The following PLCE1 variants were observed in gnomAD, a reference collection of about 807,000 sequenced individuals.
The protein encoded by PLCE1 is phospholipase C epsilon 1, also known as 1-phosphatidylinositol 4,5-bisphosphate phosphodiesterase epsilon-1.
A neutral mutation model predicts 242.8 loss-of-function variants in PLCE1; 119 were observed. The ratio of observed to expected loss-of-function variants is 0.49; its 90% CI spans 0.42 to 0.57. The LOEUF is 0.57. Among genes scored for constraint, PLCE1 ranks in the 20% least tolerant of loss-of-function variants. PLCE1 has a pLI of 0.00. For missense variants in PLCE1, 2,441 were observed against 2,788.8 expected (o/e 0.88, Z 2.81); for synonymous variants, 945 against 1,017.4 (o/e 0.93, Z 1.35).
chr10:94,070,545 T>C (rs1298565974), intron 2 of PLCE1, among the ~76,000 whole-genome samples: 1 of 152,202 alleles, frequency 6.6e-6, no homozygotes, highest in Non-Finnish European at 1.5e-5. Context: ...TGGCCCCTTC[T>C]CTCTTTCCTT....
At chr10:94,205,041 A>G (rs1414614466) in intron 4 of PLCE1, among the ~76,000 whole-genome samples, 1 of 152,260 alleles carries the variant, frequency 6.6e-6, no homozygotes, top group African/African-American at 2.4e-5. Context: ...AAATCTAAGG[A>G]ATGAATACCT....
In PLCE1 at chr10:94,188,625, G is replaced by A. The variant is rs1590210408; in HGVS notation, c.1809+17129G>A. ...TTGTTTTGTTTTGTTTTGCTTTTTA[G>A]ATGGAGCTTCGCTCTTGTTGTCCAG... On this transcript the variant is annotated intron_variant, in intron 4 of 32. Transcript: ENST00000371380. Among the ~76,000 whole-genome samples the A allele has an allele frequency of 2.6e-5, 4 of 152,250 alleles. No homozygotes were observed. In the East Asian group the frequency reaches 7.7e-4, roughly 29 times the overall value.
At chr10:94,226,465 AG>A (rs2049943187) in intron 4 of PLCE1, among the ~76,000 whole-genome samples, 1 of 152,204 alleles carries the variant, frequency 6.6e-6, no homozygotes. Context: ...GAGGTAATAT[AG>A]GTAAAGTGCT....
intron 2 of PLCE1, among the ~76,000 whole-genome samples, chr10:94,041,542 C>T (rs562521484): frequency 1.0e-3 from 157 of 152,254 alleles, no homozygotes; most frequent in Non-Finnish European, 1.9e-3. Context: ...GTTTCTGGAT[C>T]CTTTTTGCTT....
intron 2 of PLCE1, among the ~76,000 whole-genome samples, chr10:94,065,086 T>G (rs879508117): frequency 2.6e-5 from 4 of 152,198 alleles, no homozygotes; most frequent in Admixed American, 6.5e-5. Flanking sequence ...CTCCTCCTAT[T>G]TTTATTGTCT....
chr10:94,296,800 C>A (rs1201327722), intron 23 of PLCE1, among the ~76,000 whole-genome samples: 1 of 152,156 alleles, frequency 6.6e-6, no homozygotes, highest in Non-Finnish European at 1.5e-5. Context: ...TCGCAAAATG[C>A]CTAACTTTCA....
chr10:94,104,709 C>T (rs2135532427), intron 2 of PLCE1: 1 of 152,316 alleles, frequency 6.6e-6, no homozygotes. Flanking sequence ...CCATCTGCAT[C>T]TGGCACGGTG....
chr10:94,272,538 A>G (rs1302249577), intron 18 of PLCE1, among the ~76,000 whole-genome samples: 1 of 152,220 alleles, frequency 6.6e-6, no homozygotes, highest in Non-Finnish European at 1.5e-5. Flanking sequence ...GAGGTGACGT[A>G]CATTTTCAGC....
Position 94,283,873 on chromosome 10 carries a change from A to T in PLCE1, c.4879A>T (p.Ile1627Leu). 1 of 1,612,322 alleles carries T rather than the reference A, an allele frequency of 6.2e-7. No individual in the cohort carries two copies. The highest frequency in any genetic ancestry group is 2.2e-5 in the East Asian group (1 of 44,808). Residue 1627 changes from isoleucine (I) to leucine (L), a missense_variant, in exon 21 of 33, where the codon ATA (isoleucine) becomes TTA (leucine). Transcript: ENST00000371380. Reference protein sequence around the residue: ...FEYNEEIPKRIKKADNSACNK... With the variant: ...FEYNEEIPKRLKKADNSACNK... ...ATATAATGAAGAAATCCCAAAGAGG[A>T]TAAAGAAAGCAGATAACTCTGCTTG...
intron 2 of PLCE1, among the ~76,000 whole-genome samples, chr10:94,081,769 G>A (rs1360065056): frequency 6.6e-6 from 1 of 152,186 alleles, no homozygotes; most frequent in Non-Finnish European, 1.5e-5. Flanking sequence ...GAATCATACA[G>A]CTAGGAGGTA....
intron 3 of PLCE1, among the ~76,000 whole-genome samples, chr10:94,159,541 G>A (rs1371248521): frequency 6.6e-6 from 1 of 152,122 alleles, no homozygotes; most frequent in East Asian, 1.9e-4. Context: ...CTTAAAACAA[G>A]TCTACAAAGT....
chr10:93,997,858 C>T (rs1397326519), intron 1 of PLCE1, among the ~76,000 whole-genome samples: 2 of 152,084 alleles, frequency 1.3e-5, no homozygotes, highest in Non-Finnish European at 2.9e-5. Context: ...TGTGTAAGAA[C>T]TGGTAGGAAA....
At chr10:93,997,632 C>CTTTTTTTT (rs34338995) in intron 1 of PLCE1, among the ~76,000 whole-genome samples, 6 of 79,868 alleles carry the variant, frequency 7.5e-5, no homozygotes, top group Admixed American at 1.5e-4. Context: ...AATAACCATC[C>CTTTTTTTT]TTTTTTTTTT....
chr10:94,131,859 T>C (rs1471672968), intron 2 of PLCE1, among the ~76,000 whole-genome samples: 1 of 152,182 alleles, frequency 6.6e-6, no homozygotes, highest in Non-Finnish European at 1.5e-5. Flanking sequence ...TGCCTTCATC[T>C]CTCTGCAGAA....
At chr10:94,115,013 C>T (rs898150601) in intron 2 of PLCE1, among the ~76,000 whole-genome samples, 18 of 151,220 alleles carry the variant, frequency 1.2e-4, no homozygotes, top group African/African-American at 4.1e-4. Flanking sequence ...TGAGAACATG[C>T]GATGTTTGGT....
chr10:94,320,577 C>T (rs369625469), intron 29 of PLCE1, among the ~76,000 whole-genome samples: 4 of 152,300 alleles, frequency 2.6e-5, no homozygotes, highest in East Asian at 3.9e-4. Flanking sequence ...TTAGTTAGCA[C>T]CCATTTCAGT....
intron 2 of PLCE1, among the ~76,000 whole-genome samples, chr10:94,048,385 A>AC (rs1246916446): frequency 1.3e-5 from 2 of 151,642 alleles, no homozygotes; most frequent in Admixed American, 1.3e-4. Flanking sequence ...CAGTTTACAC[A>AC]CCCCCCAACC....
At chr10:94,263,788 GTTC>G (rs887385477) in intron 14 of PLCE1, among the ~76,000 whole-genome samples, 6 of 151,982 alleles carry the variant, frequency 3.9e-5, no homozygotes, top group South Asian at 2.1e-4. Flanking sequence ...CATATTATAT[GTTC>G]TTCTTTAACA....
intron 11 of PLCE1, among the ~76,000 whole-genome samples, chr10:94,255,854 A>C (rs1007565492): frequency 1.3e-5 from 2 of 149,748 alleles, no homozygotes; most frequent in Admixed American, 1.3e-4. Flanking sequence ...GAACCAAGCT[A>C]AAACAGGAAC....
Sources: allele counts gnomAD v4.1 joint callset (sites outside exome capture counted in the v4.1 genomes callset), GRCh38; gene constraint gnomAD v4.1.1; transcripts MANE v1.5; gene names NCBI Gene and HGNC (gene_info 2026-07-23, HGNC 2026-07-21).